The following ADGRF5 variants were observed in gnomAD, a reference collection of about 807,000 sequenced individuals.
The protein encoded by ADGRF5 is adhesion G protein-coupled receptor F5.
A neutral mutation model predicts 132.3 loss-of-function variants in ADGRF5; 75 were observed. The observed-to-expected ratio is 0.57, with a 90% CI of 0.47 to 0.69. The LOEUF is 0.69. ADGRF5 is among the 30% of genes least tolerant of loss of function. The pLI is 0.00. For synonymous variants in ADGRF5, 629 were observed against 597.6 expected (o/e 1.05, Z -0.77); for missense variants, 1,516 against 1,630.6 (o/e 0.93, Z 1.21).
intron 3 of ADGRF5, among the ~76,000 whole-genome samples, chr6:46,899,560 T>G (rs1774528914): frequency 6.6e-6 from 1 of 152,138 alleles, no homozygotes; most frequent in Non-Finnish European, 1.5e-5. Context: ...ATCACTGCTT[T>G]AGAAGTGAGT....
chr6:46,866,812 A>T, intron 13 of ADGRF5, 113 bp downstream of exon 13: 1 of 645,434 alleles, frequency 1.5e-6, no homozygotes, highest in Non-Finnish European at 2.7e-6. Flanking sequence ...CTACTCTGTT[A>T]ATTCTATCTC....
intron 1 of ADGRF5, among the ~76,000 whole-genome samples, chr6:46,917,266 C>G (rs1218946479): frequency 6.6e-6 from 1 of 152,200 alleles, no homozygotes; most frequent in East Asian, 1.9e-4. Context: ...GGCATATTGT[C>G]TCTTATTTTG....
chr6:46,855,727 C>T (rs1768956511), intron 20 of ADGRF5, among the ~76,000 whole-genome samples: 1 of 152,324 alleles, frequency 6.6e-6, no homozygotes, highest in South Asian at 2.1e-4. Flanking sequence ...CTCTCCAAAT[C>T]ATTGTCTAGA....
At chr6:46,888,001 G>A (rs1436738177) in intron 4 of ADGRF5, 1 of 216,576 alleles carries the variant, frequency 4.6e-6, no homozygotes, top group African/African-American at 2.3e-5. Flanking sequence ...AGGACACAGG[G>A]AAGAGGACCC....
At chr6:46,870,922 T>TTG (rs10668775) in intron 11 of ADGRF5, 340,554 of 356,994 alleles carry the variant, frequency 0.95, 162,812 homozygotes, top group East Asian at 1. Flanking sequence ...ACACAACTCT[T>TTG]TGTTAAAACT....
upstream of ADGRF5, among the ~76,000 whole-genome samples, chr6:46,926,071 A>G (rs1777229237): frequency 6.6e-6 from 1 of 152,188 alleles, no homozygotes; most frequent in African/African-American, 2.4e-5. Flanking sequence ...ATAATCGGGC[A>G]GTTTCATAGT....
chr6:46,897,533 C>A lies in ADGRF5; in HGVS notation c.157+2496G>T, dbSNP rs370601424. Among the ~76,000 whole-genome samples, 6 of 152,272 alleles carry A rather than the reference C, an allele frequency of 3.9e-5. No homozygotes were observed. In the East Asian group the frequency reaches 1.2e-3, roughly 29 times the overall value. On this transcript the variant is annotated intron_variant, in intron 3 of 20. Transcript: ENST00000283296. ...CCATGTGGCATCCTGTTGAAGGTAACATTTTCTGTTGCTTCCTTTCATCAT... is the reference window on the plus strand; with the variant it reads ...CCATGTGGCATCCTGTTGAAGGTAAAATTTTCTGTTGCTTCCTTTCATCAT...
chr6:46,885,411 AC>A (rs1268002772), intron 4 of ADGRF5, among the ~76,000 whole-genome samples: 2 of 152,148 alleles, frequency 1.3e-5, no homozygotes, highest in East Asian at 3.9e-4. Flanking sequence ...AGAGAACTAA[AC>A]TTTTTGTTTT....
chr6:46,953,659 A>ATATATATATATATATATATATATG (rs1778598273), intron 1 of ADGRF5, among the ~76,000 whole-genome samples: 1 of 73,676 alleles, frequency 1.4e-5, no homozygotes, highest in Non-Finnish European at 3.1e-5. Context: ...GTGTATATAT[A>ATATATATATATATATATATATATG]TATATATATA....
Position 46,900,045 on chromosome 6 carries a change from C to T in ADGRF5, c.141G>A (p.Leu47=). The T allele has an allele frequency of 1.2e-6, 2 of 1,612,512 alleles. No individual in the cohort carries two copies. Among genetic ancestry groups the T allele is most frequent in the Non-Finnish European group, 1.7e-6 (2 of 1,178,570 alleles). ...TTTACATACCGGCTCGTTTTTGCCT[C>T]AGTGCCTCTTCACCAGCTGGTTCAT... is the stretch of plus-strand genomic sequence containing the variant. ...HEHEPAGEEA[L]RQKRAVATKS... Residue 47 remains leucine, a synonymous_variant, in exon 3 of 21, where the codon CTG becomes CTA. Transcript: ENST00000283296.
At chr6:46,867,738 C>G (rs1770605345) in intron 12 of ADGRF5, among the ~76,000 whole-genome samples, 1 of 152,174 alleles carries the variant, frequency 6.6e-6, no homozygotes, top group South Asian at 2.1e-4. Context: ...AAGTCAGAAG[C>G]AGCAGCTAAC....
chr6:46,858,599 A>T lies in ADGRF5; in HGVS notation c.3304T>A (p.Phe1102Ile). The change falls in exon 17 of 21, where the codon TTC (phenylalanine) becomes ATC (isoleucine). Residue 1102 changes from phenylalanine to isoleucine, a missense_variant. By Grantham distance (21) the Phe-to-Ile change is conservative. Transcript: ENST00000283296. ...ATGAGGCCCAGTGTCAGCATCCAGA[A>T]GAAGACGCTGAGGTAGAAGAAGTGG... ...FIHFFYLSVF[F>I]WMLTLGLMLF... The T allele has an allele frequency of 6.2e-7, 1 of 1,614,036 alleles. No individual in the cohort carries two copies. Among genetic ancestry groups the T allele is most frequent in the Non-Finnish European group, 8.5e-7 (1 of 1,179,936 alleles).
rs1769008507 is a variant in ADGRF5 at position 46,856,077 on chromosome 6, G to C, written c.3877-19C>G. 1.4e-6 allele frequency: 2 copies of C among 1,418,856 alleles called. No homozygotes were observed. The highest frequency in any genetic ancestry group is 2.0e-6 in the Non-Finnish European group (2 of 1,005,034). The allele number at this position is 1,418,856 out of a possible 1,614,324, so 87.9% of individuals were successfully genotyped here. On this transcript the variant is annotated intron_variant, in intron 19 of 20. Transcript: ENST00000283296. ...ATGTTGACTAGAAGAGAGAAAAAAAGGGACAATCACAAAGCAAATTTGTGG... is the reference window on the plus strand; with the variant it reads ...ATGTTGACTAGAAGAGAGAAAAAAACGGACAATCACAAAGCAAATTTGTGG...
At chr6:46,953,651 G>GTATATATA (rs61302381) in intron 1 of ADGRF5, among the ~76,000 whole-genome samples, 1,655 of 41,700 alleles carry the variant, frequency 0.04, 34 homozygotes, top group Non-Finnish European at 0.05. Flanking sequence ...AGATATATGT[G>GTATATATA]TATATATATA....
chr6:46,920,525 T>TG (rs1276899753), intron 1 of ADGRF5, among the ~76,000 whole-genome samples: 2,353 of 37,586 alleles, frequency 0.063, 31 homozygotes, highest in Middle Eastern at 0.08. Flanking sequence ...AGAATAATAT[T>TG]TGGGGGGGGG....
intron 3 of ADGRF5, among the ~76,000 whole-genome samples, chr6:46,892,963 T>C (rs1185026811): frequency 1.3e-5 from 2 of 151,972 alleles, no homozygotes; most frequent in African/African-American, 2.4e-5. Context: ...AGCAAAGCCC[T>C]GTCTTTGAGG....
At chr6:46,901,785 G>A (rs1367031957) in intron 2 of ADGRF5, among the ~76,000 whole-genome samples, 1 of 152,194 alleles carries the variant, frequency 6.6e-6, no homozygotes, top group East Asian at 1.9e-4. Flanking sequence ...TTCTCTCGGT[G>A]TCTGTATAAC....
intron 1 of ADGRF5, among the ~76,000 whole-genome samples, chr6:46,935,090 G>A (rs1271661109): frequency 3.0e-5 from 4 of 133,376 alleles, no homozygotes; most frequent in African/African-American, 8.6e-5. Flanking sequence ...TGCAACCTCC[G>A]CCTCCCGGGT....
chr6:46,899,656 G>GT lies in ADGRF5; in HGVS notation c.157+372dup, dbSNP rs35489911. Among the ~76,000 whole-genome samples the GT allele has an allele frequency of 2.8e-3, 336 of 121,936 alleles. 1 individual carries two copies. Among genetic ancestry groups the GT allele is most frequent in the African/African-American group, 6.7e-3 (262 of 39,018 alleles). 80.0% of individuals were successfully genotyped at this position (121,936 alleles called of 152,430 possible). ...CAGGATAAAGTCCTAAGTAAAAGAAGTTTTTTTTTTTGTTTGTTTTGTTTT... is the reference window on the plus strand; with the variant it reads ...CAGGATAAAGTCCTAAGTAAAAGAAGTTTTTTTTTTTTGTTTGTTTTGTTTT... On this transcript the variant is annotated intron_variant, in intron 3 of 20. Transcript: ENST00000283296.
Sources: allele counts gnomAD v4.1 joint callset (sites outside exome capture counted in the v4.1 genomes callset), GRCh38; gene constraint gnomAD v4.1.1; transcripts MANE v1.5; gene names NCBI Gene and HGNC (gene_info 2026-07-23, HGNC 2026-07-21).